Variants in UROS observed in about 807,000 individuals in gnomAD.
UROS encodes the protein uroporphyrinogen-III synthase.
In UROS, 18 loss-of-function variants were observed where a neutral mutation model predicts 33.0. The observed-to-expected ratio is 0.55, with a 90% confidence interval of 0.38 to 0.81. The LOEUF (loss-of-function observed/expected upper bound fraction) is 0.81, where lower values mean the gene tolerates loss of function less well. Among genes scored for constraint, UROS ranks in the 30% least tolerant of loss-of-function variants. The pLI, the probability that UROS is intolerant of heterozygous loss-of-function variation, is 0.00. For synonymous variants in UROS, 114 were observed against 121.1 expected, an observed-to-expected ratio of 0.94 and a Z score of 0.38; for missense variants, 293 against 314.9, an observed-to-expected ratio of 0.93 and a Z score of 0.53.
At position 125,812,250 on chromosome 10, in the gene UROS, A is replaced by C. The variant is rs1359053254; in HGVS notation, c.283T>G (p.Ser95Ala). 6 of 1,613,834 alleles carry C rather than the reference A, an allele frequency of 3.7e-6. No homozygotes were observed. The highest frequency in any genetic ancestry group is 5.1e-6 in the Non-Finnish European group (6 of 1,179,978). ...GTAGCATTTCCAACCACATACACTG[A>C]CTTGGCATTCCATTTTTCTTTCAGA... ...RSLKEKWNAK[S>A]VYVVGNATAS... Residue 95 changes from serine to alanine, a missense_variant, in exon 5 of 10, where the codon TCA becomes GCA. Transcript: ENST00000368797.
chr10:125,814,062 C>G (rs1364099990), intron 4 of UROS, among the ~76,000 whole-genome samples: 1 of 152,188 alleles, frequency 6.6e-6, no homozygotes, highest in African/African-American at 2.4e-5. Context: ...CTCCAGGGTC[C>G]TCATCTGCCA....
intron 1 of UROS, among the ~76,000 whole-genome samples, chr10:125,822,671 T>C (rs888726269): frequency 6.6e-6 from 1 of 152,190 alleles, no homozygotes; most frequent in African/African-American, 2.4e-5. Flanking sequence ...TTGGCCAGGC[T>C]GGTCTCGAAC....
intron 6 of UROS, chr10:125,803,096 A>C (rs536349096): frequency 6.2e-6 from 10 of 1,607,464 alleles, no homozygotes; most frequent in Non-Finnish European, 8.5e-6. Flanking sequence ...AGCAAGGGAG[A>C]CAGGAAGAGC....
At chr10:125,789,278 C>T in intron 9 of UROS, 2 of 1,389,704 alleles carry the variant, frequency 1.4e-6, no homozygotes, top group Non-Finnish European at 1.9e-6. Flanking sequence ...CAGGCTGGTG[C>T]TCACCATCAC....
intron 1 of UROS, among the ~76,000 whole-genome samples, chr10:125,817,264 C>T (rs1392280009): frequency 2.2e-5 from 2 of 89,732 alleles, no homozygotes; most frequent in East Asian, 3.6e-4. Flanking sequence ...GGCAGGGTTT[C>T]ACCATGTTGC....
chr10:125,818,375 C>A lies in UROS; in HGVS notation c.-26-1850G>T, dbSNP rs142590490. Among the ~76,000 whole-genome samples, 151 of 152,134 alleles carry A rather than the reference C, an allele frequency of 9.9e-4. 3 individuals carry two copies. The East Asian group carries it at 0.022, about 22-fold the overall frequency. Reference sequence around the variant, plus strand: ...GGGCATAGTGGCGCATCCCTGTAGTCCTAACTACGCAGGAGGCTGAGGTGG... The same window carrying A: ...GGGCATAGTGGCGCATCCCTGTAGTACTAACTACGCAGGAGGCTGAGGTGG... On this transcript the variant is annotated intron_variant, in intron 1 of 9. Transcript: ENST00000368797.
chr10:125,822,301 C>T (rs1209159766), intron 1 of UROS, among the ~76,000 whole-genome samples: 8 of 150,062 alleles, frequency 5.3e-5, no homozygotes, highest in Non-Finnish European at 4.4e-5. Flanking sequence ...ACCTAGACTA[C>T]CCCACTGGCC....
intron 6 of UROS, among the ~76,000 whole-genome samples, chr10:125,801,169 C>A (rs1056742688): frequency 5.3e-5 from 8 of 152,076 alleles, no homozygotes; most frequent in Non-Finnish European, 8.8e-5. Flanking sequence ...GGAGGCTGAT[C>A]GGAGGAATGG....
At chr10:125,814,066 T>C (rs576134324) in intron 4 of UROS, among the ~76,000 whole-genome samples, 143 of 152,318 alleles carry the variant, frequency 9.4e-4, no homozygotes, top group African/African-American at 3.4e-3. Context: ...AGGGTCCTCA[T>C]CTGCCAAGTG....
intron 6 of UROS, chr10:125,803,091 G>A: frequency 1.2e-6 from 2 of 1,609,542 alleles, no homozygotes; most frequent in Non-Finnish European, 1.7e-6. Context: ...CACAGAGCAA[G>A]GGAGACAGGA....
chr10:125,792,077 A>T (rs1169645554), intron 9 of UROS: 1 of 150,560 alleles, frequency 6.6e-6, no homozygotes, highest in Non-Finnish European at 1.5e-5. Flanking sequence ...CTAAAAAAAT[A>T]AAAAAAAAAT....
chr10:125,807,903 G>C (rs1589978289), intron 5 of UROS, among the ~76,000 whole-genome samples: 3 of 152,200 alleles, frequency 2.0e-5, no homozygotes, highest in Admixed American at 1.3e-4. Flanking sequence ...GCAGGAATCG[G>C]CATTACAGAG....
At chr10:125,821,885 C>T (rs1230080169) in intron 1 of UROS, among the ~76,000 whole-genome samples, 2 of 152,108 alleles carry the variant, frequency 1.3e-5, no homozygotes, top group Non-Finnish European at 2.9e-5. Flanking sequence ...ACTTTAATAT[C>T]CATGACATGG....
At chr10:125,800,706 C>T (rs767295654) in intron 6 of UROS, among the ~76,000 whole-genome samples, 1 of 151,794 alleles carries the variant, frequency 6.6e-6, no homozygotes, top group African/African-American at 2.4e-5. Flanking sequence ...GGATTACAGA[C>T]GCGGCCACCA....
chr10:125,799,296 T>C (rs543560644), intron 6 of UROS, among the ~76,000 whole-genome samples: 53 of 152,372 alleles, frequency 3.5e-4, no homozygotes, highest in African/African-American at 1.3e-3. Flanking sequence ...TGCCTGCTGA[T>C]TTCTCTCTTC....
At chr10:125,814,311 C>T (rs561340286) in intron 4 of UROS, among the ~76,000 whole-genome samples, 27 of 152,324 alleles carry the variant, frequency 1.8e-4, no homozygotes, top group Non-Finnish European at 3.1e-4. Flanking sequence ...CCCGCTGCCT[C>T]CGCTCATCAG....
rs145528122 is a variant in UROS at position 125,808,908 on chromosome 10, A to T, written c.320-1421T>A. 5.7e-4 allele frequency among the ~76,000 whole-genome samples: 87 copies of T among 152,382 alleles called. 3 individuals are homozygous for T. The East Asian group carries it at 0.015, about 27-fold the overall frequency. ...GGCAAGACTGACTCTGCTTCAAGTC[A>T]GTACAACATTTCAACCAACACTCTG... is the stretch of plus-strand genomic sequence containing the variant. On this transcript the variant is annotated intron_variant, in intron 5 of 9. Coordinates refer to ENST00000368797, the MANE Select transcript of UROS (RefSeq NM_000375.3).
At position 125,788,921 on chromosome 10, in the gene UROS, G is replaced by A. The variant is rs1442507186; in HGVS notation, c.745C>T (p.Gln249Ter). Residue 249 changes from glutamine (Q) to a stop codon, truncating the protein, a stop_gained, in exon 10 of 10, where the codon CAA becomes TAA. Coordinates refer to ENST00000368797, the MANE Select transcript of UROS (RefSeq NM_000375.3). LOFTEE classifies it low-confidence loss of function (END_TRUNC). ...TTCCTGATGCCAGTGGCCAGGGCTT[G>A]TGGCGTGGGGCTCTCTGCAGTGCAG... ...VSCTAESPTP[Q>*]ALATGIRKAL... 9 of 1,608,520 alleles carry A rather than the reference G, an allele frequency of 5.6e-6. No homozygotes were observed. The East Asian group carries it at 2.0e-4, about 36-fold the overall frequency.
rs562120567 is a variant in UROS at position 125,807,398 on chromosome 10, T to G, written c.394+15A>C. 1.2e-6 allele frequency: 2 copies of G among 1,611,692 alleles called. No individual in the cohort carries two copies. The highest frequency in any genetic ancestry group is 3.3e-5 in the Admixed American group (2 of 60,002). The stretch of plus-strand genomic sequence containing the variant: ...AAATAAATGGCTTCATTTGGAGTGA[T>G]GTTTTTCTACTTACTGGAACAAATA... On this transcript the variant is annotated intron_variant, in intron 6 of 9. Transcript: ENST00000368797.
Sources: allele counts gnomAD v4.1 joint callset (sites outside exome capture counted in the v4.1 genomes callset), GRCh38; gene constraint gnomAD v4.1.1; transcripts MANE v1.5; gene names NCBI Gene and HGNC (gene_info 2026-07-23, HGNC 2026-07-21).